The following ACSM3 variants were observed in gnomAD, a reference collection of about 807,000 sequenced individuals.
ACSM3 encodes acyl-coenzyme A synthetase ACSM3, mitochondrial.
Under a neutral mutation model 74.1 loss-of-function variants are expected in ACSM3, and 61 were observed. The observed-to-expected ratio is 0.82, with a 90% confidence interval of 0.67 to 1.02. The LOEUF (loss-of-function observed/expected upper bound fraction) is 1.02. Ranked by LOEUF, ACSM3 falls within the 50% of genes least tolerant of loss-of-function variation. The pLI is 0.00. For synonymous variants in ACSM3, 213 were observed against 241.5 expected (o/e 0.88, Z 1.09); for missense variants, 660 against 697.0 (o/e 0.95, Z 0.60).
At chr16:20,736,304 T>C (rs1477711855) in intron 1 of ACSM3, 6 of 151,304 alleles carry the variant, frequency 4.0e-5, no homozygotes, top group African/African-American at 9.7e-5. Flanking sequence ...ATGCCTAAAA[T>C]GGTTCTCGTC....
intron 1 of ACSM3, among the ~76,000 whole-genome samples, chr16:20,707,591 C>T (rs1270515628): frequency 6.6e-6 from 1 of 152,184 alleles, no homozygotes; most frequent in Non-Finnish European, 1.5e-5. Flanking sequence ...CCTGCTAGAG[C>T]CCCTGATAGT....
chr16:20,693,611 T>C (rs367859007), intron 1 of ACSM3, among the ~76,000 whole-genome samples: 1 of 152,204 alleles, frequency 6.6e-6, no homozygotes, highest in Non-Finnish European at 1.5e-5. Flanking sequence ...TGCTGGGTCT[T>C]TATTTCAACT....
rs746523495 is a variant in ACSM3, at chr16:20,770,017, A to T, written c.-18A>T. 3 of 1,613,434 alleles carry T rather than the reference A, an allele frequency of 1.9e-6. No individual in the cohort carries two copies. On this transcript the variant is annotated 5_prime_UTR_variant, in exon 2 of 14. Coordinates refer to ENST00000289416, the MANE Select transcript of ACSM3 (RefSeq NM_005622.4). ...GTCTCTGTGCAAATCCTGAGTGCTAAAGCTTCCAACAAGACTGATGCTAGC... is the reference window on the plus strand; with the variant it reads ...GTCTCTGTGCAAATCCTGAGTGCTATAGCTTCCAACAAGACTGATGCTAGC...
At position 20,792,047 on chromosome 16, in the gene ACSM3, A is replaced by G. The variant is rs767174281; in HGVS notation, c.1372A>G (p.Ile458Val). 6.2e-7 allele frequency: 1 copy of G among 1,614,130 alleles called. No homozygotes were observed. Among genetic ancestry groups the G allele is most frequent in the East Asian group, 2.2e-5 (1 of 44,878 alleles). ...TTCAACTCTACGAGGCAATTTCTAT[A>G]TCACTGGGGACAGAGGATATATGGA... ...TASTLRGNFY[I>V]TGDRGYMDKD... Residue 458 changes from isoleucine to valine, a missense_variant, in exon 11 of 14, where the codon ATC becomes GTC. Ile to Val is a conservative substitution (Grantham distance 29). Coordinates refer to ENST00000289416, the MANE Select transcript of ACSM3 (RefSeq NM_005622.4).
At chr16:20,789,342 A>C (rs1386337810) in intron 9 of ACSM3, 1 of 680,698 alleles carries the variant, frequency 1.5e-6, no homozygotes, top group Non-Finnish European at 2.6e-6. Context: ...GAATAGGTAC[A>C]TGTCAAGTAC....
In ACSM3 at chr16:20,776,068, C is replaced by T; in HGVS notation, c.430+19C>T. On this transcript the variant is annotated intron_variant, in intron 3 of 13. Coordinates refer to ENST00000289416, the MANE Select transcript of ACSM3 (RefSeq NM_005622.4). ...CGAACAGGTTAGTAATGTTTGCTTT[C>T]CGATCATATTTATTACTAAGCTGGA... The T allele has an allele frequency of 6.2e-7, 1 of 1,612,236 alleles. No individual in the cohort carries two copies. The highest frequency in any genetic ancestry group is 2.2e-5 in the East Asian group (1 of 44,864).
At chr16:20,776,708 C>T (rs2080260016) in intron 3 of ACSM3, among the ~76,000 whole-genome samples, 1 of 152,186 alleles carries the variant, frequency 6.6e-6, no homozygotes, top group Non-Finnish European at 1.5e-5. Context: ...ACCTGAAGCT[C>T]ACAGAGGTGA....
In ACSM3 at chr16:20,790,635, A is replaced by G. The variant is rs2080576984; in HGVS notation, c.1273A>G (p.Ile425Val). 1 of 1,614,160 alleles carries G rather than the reference A, an allele frequency of 6.2e-7. No individual in the cohort carries two copies. Among genetic ancestry groups the G allele is most frequent in the African/African-American group, 1.3e-5 (1 of 75,056 alleles). The change falls in exon 10 of 14, where the codon ATT becomes GTT. Residue 425 changes from isoleucine (I) to valine (V), a missense_variant. By Grantham distance (29) the Ile-to-Val change is conservative (BLOSUM62 3). Transcript: ENST00000289416. This position sits in a 1 kb window ranked among gnomAD's most constrained non-coding sequence, Gnocchi z 4.0. Reference sequence around the variant, plus strand: ...TCTACCTCCTGGACAAGAAGGAGATATTGGCATTCAAGTTCTACCCAACCG... The same window carrying G: ...TCTACCTCCTGGACAAGAAGGAGATGTTGGCATTCAAGTTCTACCCAACCG... Reference protein sequence around the residue: ...NVLPPGQEGDIGIQVLPNRPF... With the variant: ...NVLPPGQEGDVGIQVLPNRPF...
At position 20,777,400 on chromosome 16, in the gene ACSM3, A is replaced by G; in HGVS notation, c.458A>G (p.Gln153Arg). Reference protein sequence around the residue: ...TGTVLIPGTTQLTQKDILYRL... With the variant: ...TGTVLIPGTTRLTQKDILYRL... ...ACAGTTTTAATTCCAGGAACCACTC[A>G]GCTGACCCAGAAAGACATTCTCTAC... Residue 153 changes from glutamine to arginine, a missense_variant, in exon 4 of 14, where the codon CAG becomes CGG. Transcript: ENST00000289416. 6.2e-7 allele frequency: 1 copy of G among 1,614,078 alleles called. No individual in the cohort carries two copies. The highest frequency in any genetic ancestry group is 8.5e-7 in the Non-Finnish European group (1 of 1,179,946).
chr16:20,733,369 A>G (rs2079842804), intron 1 of ACSM3, among the ~76,000 whole-genome samples: 2 of 152,142 alleles, frequency 1.3e-5, no homozygotes, highest in Non-Finnish European at 1.5e-5. Context: ...CCAAACTTCA[A>G]TATATTAAAA....
rs369306575 is a variant in ACSM3 at position 20,790,072 on chromosome 16, G to A, written c.1225-515G>A. The stretch of plus-strand genomic sequence containing the variant: ...AAATTTTTAAAAAATTTTATCCTGC[G>A]TTCACATGTTGGTAACCTGTATTTA... On this transcript the variant is annotated intron_variant, in intron 9 of 13. Transcript: ENST00000289416. The surrounding 1 kb of genome is among the most constrained non-coding windows in gnomAD (Gnocchi z 4.0). 2.0e-5 allele frequency among the ~76,000 whole-genome samples: 3 copies of A among 152,128 alleles called. No individual in the cohort carries two copies. The highest frequency in any genetic ancestry group is 4.1e-4 in the South Asian group (2 of 4,824).
chr16:20,760,337 G>A (rs764738958), upstream of ACSM3, among the ~76,000 whole-genome samples: 23 of 152,202 alleles, frequency 1.5e-4, 1 homozygote, highest in Middle Eastern at 6.8e-3. Flanking sequence ...GACTGAAAAA[G>A]GTTCAGGAGA....
chr16:20,746,941 C>A (rs568431332), intron 1 of ACSM3, among the ~76,000 whole-genome samples: 2 of 152,300 alleles, frequency 1.3e-5, no homozygotes, highest in South Asian at 4.1e-4. Flanking sequence ...TTTTATCTTT[C>A]AATTTTATAC....
At chr16:20,742,262 A>G (rs1463273903) in intron 1 of ACSM3, among the ~76,000 whole-genome samples, 1 of 152,202 alleles carries the variant, frequency 6.6e-6, no homozygotes, top group East Asian at 1.9e-4. Context: ...AGTTATTGAA[A>G]AACAGACAAT....
chr16:20,776,056 A>G lies in ACSM3; in HGVS notation c.430+7A>G. 1.2e-6 allele frequency: 2 copies of G among 1,613,756 alleles called. No individual in the cohort carries two copies. The highest frequency in any genetic ancestry group is 1.7e-6 in the Non-Finnish European group (2 of 1,179,754). The stretch of plus-strand genomic sequence containing the variant: ...GTGGCCTGTCTGCGAACAGGTTAGT[A>G]ATGTTTGCTTTCCGATCATATTTAT... On this transcript the variant is annotated splice_region_variant and intron_variant, in intron 3 of 13. Transcript: ENST00000289416.
At chr16:20,738,352 G>A (rs2079889329) in intron 1 of ACSM3, 1 of 400,388 alleles carries the variant, frequency 2.5e-6, no homozygotes, top group Non-Finnish European at 4.9e-6. Context: ...TTTAAAAGAT[G>A]TAATTAATCC....
intron 7 of ACSM3, among the ~76,000 whole-genome samples, chr16:20,783,790 C>T (rs1267183654): frequency 2.0e-5 from 3 of 148,652 alleles, no homozygotes; most frequent in Admixed American, 6.9e-5. Flanking sequence ...CAAACTGATA[C>T]ACATGTGTTC....
rs372476385 is a variant in ACSM3 at position 20,785,034 on chromosome 16, C to T, written c.1070C>T (p.Thr357Ile). 11 of 1,613,562 alleles carry T rather than the reference C, an allele frequency of 6.8e-6. No homozygotes were observed. Among genetic ancestry groups the T allele is most frequent in the Non-Finnish European group, 9.3e-6 (11 of 1,179,748 alleles). ...TGTGTGAGTGCTGGGGAACCAATTA[C>T]CCCTGACGTGACTGAAAAATGGAGA... ...KHCVSAGEPI[T>I]PDVTEKWRNK... Residue 357 changes from threonine (T) to isoleucine (I), a missense_variant, in exon 8 of 14, where the codon ACC (threonine) becomes ATC (isoleucine). By Grantham distance (89) the Thr-to-Ile change is moderately conservative. Coordinates refer to ENST00000289416, the MANE Select transcript of ACSM3 (RefSeq NM_005622.4).
At chr16:20,684,590 A>G (rs550944367) in intron 1 of ACSM3, among the ~76,000 whole-genome samples, 1 of 152,320 alleles carries the variant, frequency 6.6e-6, no homozygotes, top group South Asian at 2.1e-4. Context: ...CTACAATACA[A>G]CTTGCATTCT....
Sources: gnomAD v4.1 joint callset for allele counts (sites outside exome capture counted in the v4.1 genomes callset) on GRCh38, gnomAD v4.1.1 for gene constraint, Gnocchi (gnomAD v3.1) non-coding constraint, MANE v1.5 for transcripts, NCBI Gene and HGNC (gene_info 2026-07-23, HGNC 2026-07-21) for gene names.